FSHR: variants seen among roughly 807,000 people sequenced by gnomAD.
FSHR encodes the protein follicle stimulating hormone receptor.
In FSHR, 46 loss-of-function variants were observed where a neutral mutation model predicts 52.1. The observed-to-expected ratio is 0.88, with a 90% CI of 0.70 to 1.13. The LOEUF is 1.13. Among genes scored for constraint, FSHR ranks in the 50% most tolerant of loss-of-function variants. The pLI, the probability that FSHR is intolerant of heterozygous loss-of-function variation, is 0.00. For missense variants in FSHR, 964 were observed against 834.6 expected, an observed-to-expected ratio of 1.16 and a Z score of -1.91; for synonymous variants, 399 against 309.6, an observed-to-expected ratio of 1.29 and a Z score of -3.03.
Position 49,136,839 on chromosome 2 carries a change from A to T in FSHR, c.152+17427T>A, listed in dbSNP as rs145062233. Among the ~76,000 whole-genome samples the T allele has an allele frequency of 1.8e-3, 268 of 152,256 alleles. No individual in the cohort carries two copies. The Middle Eastern group carries it at 0.02, about 12-fold the overall frequency. On this transcript the variant is annotated intron_variant, in intron 1 of 9. Coordinates refer to ENST00000406846, the MANE Select transcript of FSHR (RefSeq NM_000145.4). ...CACCTTTTCTTGGTAAGAATACTTA[A>T]CAAAAATAGAAGGAAACTTCCGCAG...
rs1558389346 is a variant in FSHR, at chr2:49,013,469, T to TATATATATAAATAAATATATATATATAA, written c.374+4019_374+4020insTTATATATATATATTTATTTATATATAT. 1.5e-4 allele frequency among the ~76,000 whole-genome samples: 20 copies of TATATATATAAATAAATATATATATATAA among 129,534 alleles called. 1 individual carries two copies. Among genetic ancestry groups the TATATATATAAATAAATATATATATATAA allele is most frequent in the African/African-American group, 5.6e-4 (20 of 35,820 alleles). The allele number at this position is 129,534 out of a possible 152,430, so 85.0% of individuals were successfully genotyped here. On this transcript the variant is annotated intron_variant, in intron 4 of 9. Coordinates refer to ENST00000406846, the MANE Select transcript of FSHR (RefSeq NM_000145.4). ...AGCCCTGAATATATATATAAATATA[T>TATATATATAAATAAATATATATATATAA]ATATATATATAAATAAATATATATA...
chr2:49,021,703 C>T lies in FSHR; in HGVS notation c.225-1543G>A, dbSNP rs538831557. Among the ~76,000 whole-genome samples the T allele has an allele frequency of 2.6e-5, 4 of 151,540 alleles. No homozygotes were observed. The South Asian group carries it at 8.4e-4, about 32-fold the overall frequency. On this transcript the variant is annotated intron_variant, in intron 2 of 9. Transcript: ENST00000406846. ...GGCAGGGCCATTTCTCAGAAGCCCCCATGAATGAGGAGACATTATGTGAGA... is the reference window on the plus strand; with the variant it reads ...GGCAGGGCCATTTCTCAGAAGCCCCTATGAATGAGGAGACATTATGTGAGA...
chr2:48,972,223 C>T (rs534079972), intron 8 of FSHR, among the ~76,000 whole-genome samples: 85 of 152,238 alleles, frequency 5.6e-4, no homozygotes, highest in African/African-American at 2.0e-3. Context: ...TCTCTCATAC[C>T]CTATATCAAA....
chr2:49,106,387 G>C (rs1424472960), intron 1 of FSHR, among the ~76,000 whole-genome samples: 1 of 152,074 alleles, frequency 6.6e-6, no homozygotes, highest in Non-Finnish European at 1.5e-5. Context: ...TCCTGCAGTT[G>C]GCCAACAGAT....
rs188626818 is a variant in FSHR, at chr2:49,086,619, G to T, written c.153-18329C>A. ...CTCCTGGAGGTGGGTGTGCTATCAG[G>T]CATCCTTATTTTATTTCTTATTTTT... On this transcript the variant is annotated intron_variant, in intron 1 of 9. Transcript: ENST00000406846. 1.3e-3 allele frequency among the ~76,000 whole-genome samples: 202 copies of T among 152,212 alleles called. 1 individual carries two copies. The highest frequency in any genetic ancestry group is 2.1e-3 in the Non-Finnish European group (144 of 67,998).
At chr2:49,148,453 T>C (rs1290634028) in intron 1 of FSHR, among the ~76,000 whole-genome samples, 2 of 152,064 alleles carry the variant, frequency 1.3e-5, no homozygotes, top group Non-Finnish European at 2.9e-5. Context: ...AATAAACAGA[T>C]GTAATTCCTC....
intron 1 of FSHR, among the ~76,000 whole-genome samples, chr2:49,086,138 T>C (rs1670383278): frequency 6.6e-6 from 1 of 152,156 alleles, no homozygotes; most frequent in Non-Finnish European, 1.5e-5. Context: ...AAGGTTTTCT[T>C]AGGATATGGG....
intron 4 of FSHR, chr2:49,014,769 T>G (rs1667420600): frequency 3.3e-6 from 1 of 300,268 alleles, no homozygotes; most frequent in Non-Finnish European, 6.8e-6. Flanking sequence ...AGAGCTGGTT[T>G]TCTTCTTGGG....
intron 4 of FSHR, among the ~76,000 whole-genome samples, chr2:49,002,080 A>G (rs1370354812): frequency 6.6e-6 from 1 of 152,116 alleles, no homozygotes; most frequent in African/African-American, 2.4e-5. Context: ...TTCAGTTAGC[A>G]TTTCTGAACC....
intron 4 of FSHR, among the ~76,000 whole-genome samples, chr2:49,005,110 A>C (rs1463431146): frequency 6.6e-6 from 1 of 152,156 alleles, no homozygotes; most frequent in Non-Finnish European, 1.5e-5. Context: ...TGTTGATATA[A>C]ATTGATGGAT....
chr2:49,113,199 T>C (rs1412073481), intron 1 of FSHR, among the ~76,000 whole-genome samples: 3 of 152,158 alleles, frequency 2.0e-5, no homozygotes, highest in African/African-American at 7.2e-5. Flanking sequence ...CATGTGGGGC[T>C]CCAAGTCCCC....
At chr2:49,063,576 G>A (rs1669392044) in intron 2 of FSHR, among the ~76,000 whole-genome samples, 1 of 152,010 alleles carries the variant, frequency 6.6e-6, no homozygotes, top group South Asian at 2.1e-4. Context: ...GCACAGAAAG[G>A]GAAATACTGC....
At chr2:49,110,809 G>A (rs746549547) in intron 1 of FSHR, among the ~76,000 whole-genome samples, 2 of 152,130 alleles carry the variant, frequency 1.3e-5, no homozygotes, top group Non-Finnish European at 2.9e-5. Flanking sequence ...TGCTGGGGCT[G>A]TTCAGAACTC....
intron 1 of FSHR, among the ~76,000 whole-genome samples, chr2:49,113,294 G>C (rs957971120): frequency 1.3e-5 from 2 of 152,190 alleles, no homozygotes; most frequent in Non-Finnish European, 2.9e-5. Context: ...ATCTCTGGCA[G>C]ATGGCTGTAT....
chr2:49,070,066 C>T (rs1669672690), intron 1 of FSHR, among the ~76,000 whole-genome samples: 1 of 152,138 alleles, frequency 6.6e-6, no homozygotes, highest in Non-Finnish European at 1.5e-5. Context: ...ACCCTGTGTG[C>T]TGTTGCTGCC....
intron 1 of FSHR, among the ~76,000 whole-genome samples, chr2:49,073,749 G>C (rs554919909): frequency 6.6e-6 from 1 of 151,848 alleles, no homozygotes; most frequent in Non-Finnish European, 1.5e-5. Flanking sequence ...TAAGCAAAAA[G>C]AACAAAATTA....
At chr2:49,060,107 C>A (rs1323838346) in intron 2 of FSHR, among the ~76,000 whole-genome samples, 3 of 152,084 alleles carry the variant, frequency 2.0e-5, no homozygotes, top group South Asian at 4.2e-4. Context: ...AAATGCTCCA[C>A]ATCACTAATC....
intron 1 of FSHR, among the ~76,000 whole-genome samples, chr2:49,091,635 T>C (rs150649368): frequency 6.6e-6 from 1 of 152,338 alleles, no homozygotes; most frequent in East Asian, 1.9e-4. Flanking sequence ...CCAGTGCTAT[T>C]TGTTTAAAAA....
At chr2:48,999,711 T>G (rs1042654914) in intron 4 of FSHR, among the ~76,000 whole-genome samples, 11 of 152,148 alleles carry the variant, frequency 7.2e-5, no homozygotes, top group African/African-American at 2.7e-4. Context: ...GTTTAGGGAA[T>G]GCTGGGTTAA....
Sources: gnomAD v4.1 joint callset for allele counts (sites outside exome capture counted in the v4.1 genomes callset) on GRCh38, gnomAD v4.1.1 for gene constraint, MANE v1.5 for transcripts, NCBI Gene and HGNC (gene_info 2026-07-23, HGNC 2026-07-21) for gene names.